LNX1: variants seen among roughly 807,000 people sequenced by gnomAD.
LNX1 encodes the protein E3 ubiquitin-protein ligase LNX.
In LNX1, 54 loss-of-function variants were observed where a neutral mutation model predicts 68.4. The ratio of observed to expected loss-of-function variants is 0.79; its 90% CI spans 0.63 to 0.99. The LOEUF is 0.99. LNX1 is among the 50% of genes least tolerant of loss of function. The pLI is 0.00. For missense variants in LNX1, 906 were observed against 926.4 expected, an observed-to-expected ratio of 0.98 and a Z score of 0.29; for synonymous variants, 336 against 350.0, an observed-to-expected ratio of 0.96 and a Z score of 0.45.
intron 4 of LNX1, among the ~76,000 whole-genome samples, chr4:53,506,365 T>C (rs1725868606): frequency 6.6e-6 from 1 of 152,194 alleles, no homozygotes; most frequent in Admixed American, 6.5e-5. Flanking sequence ...TCTAAAGTTC[T>C]AACATAAAAT....
chr4:53,467,911 C>A (rs918752963), intron 9 of LNX1, among the ~76,000 whole-genome samples: 5 of 152,220 alleles, frequency 3.3e-5, no homozygotes, highest in African/African-American at 1.2e-4. Context: ...AGTTGGAAAA[C>A]ACTCTGCAAG....
Position 53,459,481 on chromosome 4 carries a change from C to T in LNX1, c.*1426G>A. The stretch of plus-strand genomic sequence containing the variant: ...TTTTGGCCTTTTGTGTATATTAGTA[C>T]CAGAAGTAGATACTATAAATCTTGT... On this transcript the variant is annotated 3_prime_UTR_variant, in exon 11 of 11. Transcript: ENST00000263925. 1 of 1,612,446 alleles carries T rather than the reference C, an allele frequency of 6.2e-7. No individual in the cohort carries two copies. Among genetic ancestry groups the T allele is most frequent in the Non-Finnish European group, 8.5e-7 (1 of 1,178,864 alleles).
intron 3 of LNX1, 107 bp from the exon 4 acceptor site, chr4:53,507,576 C>T (rs1725987722): frequency 2.4e-6 from 3 of 1,244,106 alleles, no homozygotes; most frequent in South Asian, 1.4e-5. Flanking sequence ...GTGACTACCT[C>T]TGGGTGGTAG....
rs1208641523 is a variant in LNX1, at chr4:53,610,046, T to C, written c.-215+6471A>G. 2.0e-5 allele frequency among the ~76,000 whole-genome samples: 3 copies of C among 151,900 alleles called. No homozygotes were observed. The East Asian group carries it at 5.8e-4, about 29-fold the overall frequency. ...GACATTTTCTCTAAAGTCTTTACTTTTAACCTCTGTGTCACGCTGCTTCCC... is the reference window on the plus strand; with the variant it reads ...GACATTTTCTCTAAAGTCTTTACTTCTAACCTCTGTGTCACGCTGCTTCCC... On this transcript the variant is annotated intron_variant, in intron 2 of 3. Transcript: ENST00000504299.
intron 1 of LNX1, among the ~76,000 whole-genome samples, chr4:53,636,353 G>A (rs1357609453): frequency 6.6e-6 from 1 of 152,024 alleles, no homozygotes; most frequent in African/African-American, 2.4e-5. Context: ...TGAGGATAAA[G>A]TGGCCAGGGT....
At chr4:53,478,155 C>A (rs1723682690) in intron 8 of LNX1, among the ~76,000 whole-genome samples, 1 of 152,094 alleles carries the variant, frequency 6.6e-6, no homozygotes, top group Admixed American at 6.5e-5. Flanking sequence ...TTCATTGAAT[C>A]AAATCTATCA....
rs1560634335 is a variant in LNX1, at chr4:53,507,481, C to CGACAGGAGGAACAGT, written c.623-27_623-13dup. 6.2e-7 allele frequency: 1 copy of CGACAGGAGGAACAGT among 1,612,550 alleles called. No individual in the cohort carries two copies. The highest frequency in any genetic ancestry group is 8.5e-7 in the Non-Finnish European group (1 of 1,178,838). On this transcript the variant is annotated splice_polypyrimidine_tract_variant and intron_variant, in intron 3 of 10. Coordinates refer to ENST00000263925, the MANE Select transcript of LNX1 (RefSeq NM_001126328.3). ...CTCAAAGGGCCGTGCTGAGGAATAG[C>CGACAGGAGGAACAGT]GACAGGAGGAACAGTAGTTATGATT...
chr4:53,467,177 G>A (rs557745949), intron 9 of LNX1, among the ~76,000 whole-genome samples: 13 of 152,216 alleles, frequency 8.5e-5, no homozygotes, highest in Middle Eastern at 3.4e-3. Flanking sequence ...CAGCATTTGC[G>A]TTTCACCAAT....
At chr4:53,558,216 T>G (rs1043481477) in intron 2 of LNX1, 1 of 1,273,254 alleles carries the variant, frequency 7.9e-7, no homozygotes, top group Non-Finnish European at 1.0e-6. Flanking sequence ...GAGCTTAGGC[T>G]GAGAGCAGGC....
At chr4:53,618,786 C>G (rs1280159979), upstream of LNX1, among the ~76,000 whole-genome samples, 1 of 152,114 alleles carries the variant, frequency 6.6e-6, no homozygotes, top group African/African-American at 2.4e-5. Flanking sequence ...CTAAATATAT[C>G]TAAAATACTG....
Position 53,476,828 on chromosome 4 carries a change from G to T in LNX1, c.1817C>A (p.Ala606Asp), listed in dbSNP as rs779857047. Reference protein sequence around the residue: ...EPQEDCSSPAALDSNHNMAPP... With the variant: ...EPQEDCSSPADLDSNHNMAPP... ...GGCCATGTTGTGGTTGGAGTCCAGG[G>T]CTGCTGGGCTGCTGCAGTCTTCCTG... Residue 606 changes from alanine (A) to aspartate (D), a missense_variant, in exon 9 of 11, where the codon GCC (alanine) becomes GAC (aspartate). By Grantham distance (126) the Ala-to-Asp change is moderately radical. Transcript: ENST00000263925. 6.2e-6 allele frequency: 10 copies of T among 1,614,082 alleles called. No individual in the cohort carries two copies. The highest frequency in any genetic ancestry group is 1.3e-5 in the African/African-American group (1 of 74,920).
intron 2 of LNX1, among the ~76,000 whole-genome samples, chr4:53,613,825 G>A (rs1054670349): frequency 6.6e-6 from 1 of 152,186 alleles, no homozygotes; most frequent in African/African-American, 2.4e-5. Flanking sequence ...TATATACCCA[G>A]TAATGGGATT....
intron 2 of LNX1, among the ~76,000 whole-genome samples, chr4:53,547,889 G>A (rs1455046441): frequency 2.6e-5 from 4 of 151,780 alleles, no homozygotes; most frequent in African/African-American, 4.8e-5. Context: ...GGGGGTCCTG[G>A]CATGCATGTG....
In LNX1 at chr4:53,476,940, C is replaced by T. The variant is rs1166106276; in HGVS notation, c.1705G>A (p.Val569Ile). 1 of 1,614,190 alleles carries T rather than the reference C, an allele frequency of 6.2e-7. No individual in the cohort carries two copies. Among genetic ancestry groups the T allele is most frequent in the Admixed American group, 1.7e-5 (1 of 60,036 alleles). Residue 569 changes from valine (V) to isoleucine (I), a missense_variant, in exon 9 of 11, where the codon GTC becomes ATC. Physicochemically the swap from Val to Ile is conservative, Grantham distance 29. Transcript: ENST00000263925. Reference sequence around the variant, plus strand: ...AATGCCACTGCCTCACTCCGGCTGACCTCTGTCAGTTCGACCCCATCCACA... The same window carrying T: ...AATGCCACTGCCTCACTCCGGCTGATCTCTGTCAGTTCGACCCCATCCACA... Reference protein sequence around the residue: ...LNVDGVELTEVSRSEAVALLK... With the variant: ...LNVDGVELTEISRSEAVALLK...
At chr4:53,492,249 TG>T (rs1354225234) in intron 6 of LNX1, among the ~76,000 whole-genome samples, 1 of 152,156 alleles carries the variant, frequency 6.6e-6, no homozygotes, top group Non-Finnish European at 1.5e-5. Flanking sequence ...GAATGAACTG[TG>T]GGAATGCAGC....
At position 53,476,919 on chromosome 4, in the gene LNX1, C is replaced by T; in HGVS notation, c.1726G>A (p.Ala576Thr). 2.5e-6 allele frequency: 4 copies of T among 1,614,158 alleles called. No homozygotes were observed. The highest frequency in any genetic ancestry group is 3.3e-4 in the Middle Eastern group (2 of 6,060). The change falls in exon 9 of 11, where the codon GCA becomes ACA. Residue 576 changes from alanine (A) to threonine (T), a missense_variant. Physicochemically the swap from Ala to Thr is moderately conservative, Grantham distance 58 (BLOSUM62 0). Coordinates refer to ENST00000263925, the MANE Select transcript of LNX1 (RefSeq NM_001126328.3). ...GAGGATGATGTTCTTTTCAATAATG[C>T]CACTGCCTCACTCCGGCTGACCTCT... ...LTEVSRSEAV[A>T]LLKRTSSSIV...
chr4:53,592,778 G>T (rs865905537), upstream of LNX1, among the ~76,000 whole-genome samples: 3 of 152,204 alleles, frequency 2.0e-5, no homozygotes, highest in Middle Eastern at 3.4e-3. Flanking sequence ...AATGGGAGAG[G>T]GAAGAAAAGG....
chr4:53,521,133 G>A (rs944981601), intron 2 of LNX1, among the ~76,000 whole-genome samples: 3 of 152,176 alleles, frequency 2.0e-5, no homozygotes, highest in African/African-American at 4.8e-5. Flanking sequence ...TTTCATGGTG[G>A]TGAGGGTTTC....
At chr4:53,592,722 A>G (rs1261151042), upstream of LNX1, among the ~76,000 whole-genome samples, 1 of 151,892 alleles carries the variant, frequency 6.6e-6, no homozygotes, top group African/African-American at 2.4e-5. Flanking sequence ...TGGACTACCT[A>G]GAGGTTTTGG....
Sources: gnomAD v4.1 joint callset for allele counts (sites outside exome capture counted in the v4.1 genomes callset) on GRCh38, gnomAD v4.1.1 for gene constraint, MANE v1.5 for transcripts, NCBI Gene and HGNC (gene_info 2026-07-23, HGNC 2026-07-21) for gene names.